LARS2: variants seen among roughly 807,000 people sequenced by gnomAD.
The protein encoded by LARS2 is leucyl-tRNA synthetase 2, mitochondrial.
LARS2 carries 81 observed loss-of-function variants against 116.6 expected under a neutral mutation model. That is an observed-to-expected ratio of 0.69 (90% CI 0.58 to 0.84). The LOEUF is 0.84. Ranked by LOEUF, LARS2 falls within the 40% of genes least tolerant of loss-of-function variation. LARS2 has a pLI of 0.00. For synonymous variants in LARS2, 396 were observed against 407.2 expected (o/e 0.97, Z 0.33); for missense variants, 968 against 1,114.5 (o/e 0.87, Z 1.87).
chr3:45,544,027 T>C (rs1700837909), intron 21 of LARS2, among the ~76,000 whole-genome samples: 1 of 152,256 alleles, frequency 6.6e-6, no homozygotes, highest in African/African-American at 2.4e-5. Context: ...TACACCCAGC[T>C]TGAGAACCCA....
chr3:45,474,786 ATGTT>A (rs1559480811), intron 9 of LARS2, among the ~76,000 whole-genome samples: 1 of 152,094 alleles, frequency 6.6e-6, no homozygotes, highest in African/African-American at 2.4e-5. Context: ...TATGTGCAAA[ATGTT>A]TGGGCATTTT....
intron 21 of LARS2, among the ~76,000 whole-genome samples, chr3:45,545,189 T>G (rs1700858159): frequency 6.6e-6 from 1 of 152,250 alleles, no homozygotes; most frequent in African/African-American, 2.4e-5. Flanking sequence ...AATTGCATAG[T>G]TCAATGCTTG....
chr3:45,441,491 G>A (rs1698910833), intron 6 of LARS2, among the ~76,000 whole-genome samples: 1 of 152,172 alleles, frequency 6.6e-6, no homozygotes, highest in African/African-American at 2.4e-5. Flanking sequence ...AAACTAGTGA[G>A]GATGCGAGGA....
At chr3:45,535,998 A>T (rs267250) in intron 20 of LARS2, among the ~76,000 whole-genome samples, 134,806 of 152,282 alleles carry the variant, frequency 0.89, 61,912 homozygotes, top group East Asian at 1. Flanking sequence ...AGGATTTTTT[A>T]AATTGCCTTT....
At chr3:45,540,751 TCTATCTA>T (rs1700781003) in intron 20 of LARS2, among the ~76,000 whole-genome samples, 3 of 52,680 alleles carry the variant, frequency 5.7e-5, no homozygotes, top group Non-Finnish European at 1.2e-4. Flanking sequence ...TATCTGTCTA[TCTATCTA>T]TCTATCTATC....
chr3:45,422,735 C>G (rs1698535003), intron 6 of LARS2, among the ~76,000 whole-genome samples: 1 of 152,108 alleles, frequency 6.6e-6, no homozygotes, highest in Non-Finnish European at 1.5e-5. Context: ...GAAGTTTTCT[C>G]TCATTGTCTG....
At chr3:45,433,655 G>A (rs1698756952) in intron 6 of LARS2, among the ~76,000 whole-genome samples, 1 of 152,140 alleles carries the variant, frequency 6.6e-6, no homozygotes, top group Non-Finnish European at 1.5e-5. Context: ...GAGAAAGAAA[G>A]TCTATCGTAT....
intron 19 of LARS2, among the ~76,000 whole-genome samples, chr3:45,523,674 G>T (rs146589614): frequency 2.0e-5 from 3 of 151,890 alleles, no homozygotes; most frequent in African/African-American, 7.2e-5. Context: ...CTATAGGTGT[G>T]TGCAACTGTG....
chr3:45,434,939 A>G (rs1029278120), intron 6 of LARS2, among the ~76,000 whole-genome samples: 1 of 152,202 alleles, frequency 6.6e-6, no homozygotes, highest in African/African-American at 2.4e-5. Flanking sequence ...CTGTGGGTAC[A>G]GCTGCCCAAG....
chr3:45,431,267 A>G (rs995697654), intron 6 of LARS2, among the ~76,000 whole-genome samples: 3 of 152,180 alleles, frequency 2.0e-5, no homozygotes, highest in African/African-American at 7.2e-5. Flanking sequence ...CCCAGTCTGT[A>G]CTATTTTGTT....
intron 21 of LARS2, among the ~76,000 whole-genome samples, chr3:45,543,008 C>T (rs1246178746): frequency 6.6e-6 from 1 of 152,274 alleles, no homozygotes; most frequent in Non-Finnish European, 1.5e-5. Flanking sequence ...GCCCTGGCCC[C>T]TCTGCACCTG....
At position 45,511,526 on chromosome 3, in the gene LARS2, G is replaced by A. The variant is rs566656162; in HGVS notation, c.1761-1609G>A. On this transcript the variant is annotated intron_variant, in intron 15 of 21. Transcript: ENST00000645846. ...TATTGTGAAGATTCATCATTATACC[G>A]CTAGGACTTACACTTTTCAATATGT... Among the ~76,000 whole-genome samples the A allele has an allele frequency of 7.9e-5, 12 of 152,098 alleles. No individual in the cohort carries two copies. In the South Asian group the frequency reaches 1.9e-3, roughly 24 times the overall value.
At chr3:45,403,531 G>T (rs1698188417) in intron 4 of LARS2, among the ~76,000 whole-genome samples, 1 of 152,142 alleles carries the variant, frequency 6.6e-6, no homozygotes, top group African/African-American at 2.4e-5. Flanking sequence ...GGTCAGGCTG[G>T]TCTCGAACTC....
At chr3:45,434,634 G>A (rs377487309) in intron 6 of LARS2, among the ~76,000 whole-genome samples, 4 of 152,096 alleles carry the variant, frequency 2.6e-5, no homozygotes, top group Admixed American at 1.3e-4. Context: ...TTTAGGTATG[G>A]CTAATGATTT....
At chr3:45,471,862 A>G (rs1380857336) in intron 8 of LARS2, among the ~76,000 whole-genome samples, 1 of 152,208 alleles carries the variant, frequency 6.6e-6, no homozygotes, top group Non-Finnish European at 1.5e-5. Flanking sequence ...TTTTATTAGA[A>G]GATTAATTGT....
chr3:45,416,470 G>A (rs1698424203), intron 4 of LARS2, among the ~76,000 whole-genome samples: 1 of 152,138 alleles, frequency 6.6e-6, no homozygotes, highest in Admixed American at 6.6e-5. Context: ...GGACAGGTCC[G>A]GGCCACTGAG....
In LARS2 at chr3:45,419,685, A is replaced by G. The variant is rs1048780344; in HGVS notation, c.472A>G (p.Arg158Gly). 6.2e-7 allele frequency: 1 copy of G among 1,613,910 alleles called. No individual in the cohort carries two copies. The highest frequency in any genetic ancestry group is 8.5e-7 in the Non-Finnish European group (1 of 1,179,778). The change falls in exon 6 of 22, where the codon AGG becomes GGG. Residue 158 changes from arginine to glycine, a missense_variant. Arg to Gly is a moderately radical substitution (Grantham distance 125, BLOSUM62 -2). Transcript: ENST00000645846. ...GTTTCACAGTAATATTAAACACATG[A>G]GGAAACAGCTTGATCGTCTGGGCCT... is the stretch of plus-strand genomic sequence containing the variant. Reference protein sequence around the residue: ...SWTQSNIKHMRKQLDRLGLCF... With the variant: ...SWTQSNIKHMGKQLDRLGLCF...
chr3:45,543,174 C>T (rs1455021164), intron 21 of LARS2, among the ~76,000 whole-genome samples: 1 of 152,226 alleles, frequency 6.6e-6, no homozygotes, highest in Non-Finnish European at 1.5e-5. Flanking sequence ...GTGAGGGTGC[C>T]CTGGCAGGCT....
chr3:45,405,102 G>A (rs1234307429), intron 4 of LARS2, among the ~76,000 whole-genome samples: 1 of 151,516 alleles, frequency 6.6e-6, no homozygotes, highest in Non-Finnish European at 1.5e-5. Flanking sequence ...TTTTGTGTTA[G>A]CATGTCAAGT....
Sources: gnomAD v4.1 joint callset for allele counts (sites outside exome capture counted in the v4.1 genomes callset) on GRCh38, gnomAD v4.1.1 for gene constraint, MANE v1.5 for transcripts, NCBI Gene and HGNC (gene_info 2026-07-23, HGNC 2026-07-21) for gene names.